Variants in INPP4B observed in about 807,000 individuals in gnomAD.
INPP4B encodes inositol polyphosphate-4-phosphatase type II B.
A neutral mutation model predicts 122.5 loss-of-function variants in INPP4B; 55 were observed. That is an observed-to-expected ratio of 0.45 (90% confidence interval 0.36 to 0.56). INPP4B has a LOEUF of 0.56. Ranked by LOEUF, INPP4B falls within the 20% of genes least tolerant of loss-of-function variation. The pLI is 0.00. For synonymous variants in INPP4B, 403 were observed against 388.7 expected (o/e 1.04, Z -0.43); for missense variants, 1,000 against 1,097.7 (o/e 0.91, Z 1.26).
intron 10 of INPP4B, among the ~76,000 whole-genome samples, chr4:142,268,406 T>C (rs955214623): frequency 2.0e-5 from 3 of 148,078 alleles, no homozygotes; most frequent in African/African-American, 7.5e-5. Flanking sequence ...CCTTATGCAC[T>C]GTTGAGAATG....
At chr4:142,736,801 G>T (rs1766983839) in intron 1 of INPP4B, among the ~76,000 whole-genome samples, 1 of 152,030 alleles carries the variant, frequency 6.6e-6, no homozygotes, top group African/African-American at 2.4e-5. Flanking sequence ...TCTTTCTCCT[G>T]CCTGATTGCC....
intron 7 of INPP4B, among the ~76,000 whole-genome samples, chr4:142,352,542 T>C (rs1782247568): frequency 2.0e-5 from 3 of 151,664 alleles, no homozygotes; most frequent in Admixed American, 2.0e-4. Context: ...AACCCATATG[T>C]GTACATGTCT....
chr4:142,132,787 T>G (rs1441805027), intron 18 of INPP4B, among the ~76,000 whole-genome samples: 10 of 152,242 alleles, frequency 6.6e-5, no homozygotes, highest in Non-Finnish European at 1.3e-4. Flanking sequence ...CTCCTCATCT[T>G]GAAACAAATA....
chr4:142,297,831 G>A (rs1282868985), intron 9 of INPP4B, among the ~76,000 whole-genome samples: 1 of 152,192 alleles, frequency 6.6e-6, no homozygotes, highest in African/African-American at 2.4e-5. Flanking sequence ...CCAAAAGTAA[G>A]GGATGGCTGA....
At chr4:142,664,857 T>A (rs140875654) in intron 2 of INPP4B, among the ~76,000 whole-genome samples, 184 of 152,310 alleles carry the variant, frequency 1.2e-3, no homozygotes, top group African/African-American at 4.3e-3. Context: ...TTCTGAGAAA[T>A]GTATTGTTAG....
At chr4:142,239,958 T>C (rs1488649351) in intron 11 of INPP4B, among the ~76,000 whole-genome samples, 1 of 152,132 alleles carries the variant, frequency 6.6e-6, no homozygotes, top group Admixed American at 6.5e-5. Flanking sequence ...TTGCCTTTTA[T>C]ACATCAATAA....
intron 9 of INPP4B, among the ~76,000 whole-genome samples, chr4:142,274,213 A>G (rs1747283152): frequency 6.6e-6 from 1 of 151,916 alleles, no homozygotes; most frequent in Non-Finnish European, 1.5e-5. Context: ...TCTGCGTAGA[A>G]AATATATTAA....
At chr4:142,608,327 A>G (rs773859613) in intron 2 of INPP4B, among the ~76,000 whole-genome samples, 1 of 152,136 alleles carries the variant, frequency 6.6e-6, no homozygotes, top group Non-Finnish European at 1.5e-5. Flanking sequence ...TGAAAATACC[A>G]CACCTTTGGC....
At chr4:142,423,859 C>T (rs1263073272) in intron 5 of INPP4B, 3 of 422,846 alleles carry the variant, frequency 7.1e-6, no homozygotes, top group African/African-American at 6.3e-5. Context: ...ATGTACTTAC[C>T]ACTCTTCCCA....
At chr4:142,518,769 CTG>C (rs1450742710) in intron 2 of INPP4B, 2 of 152,294 alleles carry the variant, frequency 1.3e-5, no homozygotes, top group East Asian at 3.9e-4. Flanking sequence ...TGATGAGAAA[CTG>C]AGAGCCAGCG....
intron 7 of INPP4B, 54 bp downstream of exon 7, chr4:142,402,884 C>T (rs1425843487): frequency 1.2e-5 from 11 of 893,570 alleles, no homozygotes; most frequent in East Asian, 4.8e-5. Flanking sequence ...AAAATCCAAT[C>T]GTGTGGAAAA....
intron 2 of INPP4B, among the ~76,000 whole-genome samples, chr4:142,628,509 A>G (rs911690071): frequency 7.1e-6 from 1 of 141,258 alleles, no homozygotes; most frequent in Non-Finnish European, 1.5e-5. Context: ...ACATGTATAC[A>G]TATGTGACTG....
At position 142,173,648 on chromosome 4, in the gene INPP4B, T is replaced by G. The variant is rs747808979; in HGVS notation, c.1343A>C (p.Lys448Thr). The change falls in exon 16 of 26, where the codon AAG (lysine) becomes ACG (threonine). Residue 448 changes from lysine (K) to threonine (T), a missense_variant. Transcript: ENST00000262992. Reference protein sequence around the residue: ...HSPDSLKNSLKMLSEKTELFV... With the variant: ...HSPDSLKNSLTMLSEKTELFV... ...GGATCTTACTTTTTCTGAAAGCATC[T>G]TTAAAGAATTCTTCAAGCTGTCTGG... 2.5e-6 allele frequency: 4 copies of G among 1,611,574 alleles called. No individual in the cohort carries two copies. Among genetic ancestry groups the G allele is most frequent in the South Asian group, 1.1e-5 (1 of 90,698 alleles).
intron 12 of INPP4B, among the ~76,000 whole-genome samples, chr4:142,218,685 A>C (rs1272353707): frequency 3.9e-5 from 6 of 152,236 alleles, no homozygotes; most frequent in Admixed American, 3.9e-4. Context: ...GAACTTAAAT[A>C]AAGCCTTTTG....
intron 7 of INPP4B, among the ~76,000 whole-genome samples, chr4:142,355,742 T>G (rs1783369151): frequency 6.6e-6 from 1 of 152,028 alleles, no homozygotes; most frequent in Admixed American, 6.6e-5. Flanking sequence ...ACTAAAGCAC[T>G]TAAGGCAGGC....
chr4:142,558,755 A>G (rs1038529468), intron 2 of INPP4B, among the ~76,000 whole-genome samples: 5 of 131,766 alleles, frequency 3.8e-5, no homozygotes, highest in African/African-American at 8.4e-5. Flanking sequence ...AGATCACGCC[A>G]TTGCACTACA....
chr4:142,597,375 T>C (rs1482846895), intron 2 of INPP4B, among the ~76,000 whole-genome samples: 2 of 152,216 alleles, frequency 1.3e-5, no homozygotes, highest in African/African-American at 4.8e-5. Flanking sequence ...GGATTAGGTG[T>C]TCTTAAACAT....
intron 2 of INPP4B, among the ~76,000 whole-genome samples, chr4:142,668,313 T>C (rs1444535741): frequency 6.6e-6 from 1 of 152,146 alleles, no homozygotes; most frequent in Admixed American, 6.5e-5. Flanking sequence ...AACTTCCTTT[T>C]ATGCAAACAA....
At position 142,666,613 on chromosome 4, in the gene INPP4B, A is replaced by C. The variant is rs148052309; in HGVS notation, c.-191+59226T>G. Among the ~76,000 whole-genome samples, 167 of 152,226 alleles carry C rather than the reference A, an allele frequency of 1.1e-3. 1 individual carries two copies. Among genetic ancestry groups the C allele is most frequent in the Admixed American group, 3.4e-3 (52 of 15,280 alleles). ...TCAATATTTAGCTCTTGAAAATTAA[A>C]ATTTTTAATGTGGTATTGGCCTTCT... On this transcript the variant is annotated intron_variant, in intron 2 of 25. Transcript: ENST00000262992.
Sources: gnomAD v4.1 joint callset for allele counts (sites outside exome capture counted in the v4.1 genomes callset) on GRCh38, gnomAD v4.1.1 for gene constraint, MANE v1.5 for transcripts, NCBI Gene and HGNC (gene_info 2026-07-23, HGNC 2026-07-21) for gene names.